Variants in FMR1NB observed in about 807,000 individuals in gnomAD.
FMR1NB encodes FMR1 neighbor.
Under a neutral mutation model 16.8 loss-of-function variants are expected in FMR1NB, and 10 were observed. The ratio of observed to expected loss-of-function variants is 0.60; its 90% confidence interval spans 0.37 to 1.01. The LOEUF is 1.01. Among genes scored for constraint, FMR1NB ranks in the 50% least tolerant of loss-of-function variants. The pLI, the probability that FMR1NB is intolerant of heterozygous loss-of-function variation, is 0.01. For synonymous variants in FMR1NB, 83 were observed against 79.1 expected (o/e 1.05, Z -0.26); for missense variants, 205 against 204.8 (o/e 1.00, Z 0.00).
At chrX:148,023,379 C>T (rs1557190749) in intron 4 of FMR1NB, among the ~76,000 whole-genome samples, 1 of 111,287 alleles carries the variant, frequency 9.0e-6, no homozygotes, top group Non-Finnish European at 1.9e-5. Context: ...GTTTCTTTGC[C>T]CCACATTTGT....
At position 148,025,465 on chromosome X, in the gene FMR1NB, G is replaced by A. The variant is rs782179209; in HGVS notation, c.*13+452G>A. ...AGCTACCTGTTCTTCAAACCTGCAC[G>A]ATGTAGTGTTAGAAGAGGTTGAGAG... On this transcript the variant is annotated intron_variant, in intron 5 of 5. Coordinates refer to ENST00000370467, the MANE Select transcript of FMR1NB (RefSeq NM_152578.3). 2.7e-5 allele frequency among the ~76,000 whole-genome samples: 3 copies of A among 111,600 alleles called. No homozygotes were observed. The East Asian group carries it at 8.5e-4, about 32-fold the overall frequency.
intron 1 of FMR1NB, among the ~76,000 whole-genome samples, chrX:147,986,210 T>C (rs2124610455): frequency 8.9e-6 from 1 of 112,692 alleles, no homozygotes; most frequent in East Asian, 2.8e-4. Flanking sequence ...TTGTAGATTC[T>C]GGTTATTAGA....
At chrX:148,014,898 G>C (rs782709499) in intron 4 of FMR1NB, among the ~76,000 whole-genome samples, 15 of 111,873 alleles carry the variant, frequency 1.3e-4, no homozygotes, top group Non-Finnish European at 2.8e-4. Flanking sequence ...ACCTGCCTTG[G>C]CCTCCTGAAG....
Position 148,024,858 on chromosome X carries a change from G to T in FMR1NB, c.633-7G>T. 1 of 1,207,234 alleles carries T rather than the reference G, an allele frequency of 8.3e-7. No individual in the cohort carries two copies. Among genetic ancestry groups the T allele is most frequent in the Non-Finnish European group, 1.1e-6 (1 of 892,963 alleles). On this transcript the variant is annotated splice_polypyrimidine_tract_variant and splice_region_variant and intron_variant, in intron 4 of 5. Coordinates refer to ENST00000370467, the MANE Select transcript of FMR1NB (RefSeq NM_152578.3). ...ATAAGGTTTCACTTGAACTTTTTAT[G>T]TTACAGCGAACCGGCCGATGATTTA...
chrX:147,999,320 A>C (rs1443911913), intron 1 of FMR1NB, among the ~76,000 whole-genome samples: 1 of 112,051 alleles, frequency 8.9e-6, no homozygotes, highest in Non-Finnish European at 1.9e-5. Context: ...CAACAAGGAC[A>C]GCAAATTGAC....
chrX:147,993,152 C>T (rs1301653913), intron 1 of FMR1NB, among the ~76,000 whole-genome samples: 3 of 112,342 alleles, frequency 2.7e-5, no homozygotes, highest in Non-Finnish European at 3.8e-5. Flanking sequence ...AACGAGACTC[C>T]GTCTGCAATT....
At chrX:148,013,548 TG>T (rs1427645803) in intron 4 of FMR1NB, among the ~76,000 whole-genome samples, 6 of 112,477 alleles carry the variant, frequency 5.3e-5, no homozygotes, top group Non-Finnish European at 1.1e-4. Flanking sequence ...GTTCTCATTC[TG>T]CTTTCACCAC....
At chrX:148,018,613 C>G (rs1268767460) in intron 4 of FMR1NB, among the ~76,000 whole-genome samples, 1 of 111,284 alleles carries the variant, frequency 9.0e-6, no homozygotes, top group African/African-American at 3.3e-5. Context: ...GGAAAACTGG[C>G]TAGCCATATG....
At chrX:148,001,317 C>A (rs1163741458) in intron 1 of FMR1NB, among the ~76,000 whole-genome samples, 5 of 111,676 alleles carry the variant, frequency 4.5e-5, no homozygotes, top group Non-Finnish European at 9.4e-5. Context: ...GTGGGACACA[C>A]AATAAATGAT....
Position 148,016,512 on chromosome X carries a change from C to T in FMR1NB, c.632+7801C>T, listed in dbSNP as rs183944613. 9.7e-4 allele frequency among the ~76,000 whole-genome samples: 108 copies of T among 111,232 alleles called. 3 individuals are homozygous for T. In the East Asian group the frequency reaches 0.024, roughly 25 times the overall value. ...ATTTTGTTATTTGTTTTCTGGTGGC[C>T]TTGTGGTCTTCTCCTTCTACTTTCC... is the stretch of plus-strand genomic sequence containing the variant. On this transcript the variant is annotated intron_variant, in intron 4 of 5. Transcript: ENST00000370467.
intron 3 of FMR1NB, 38 bp downstream of exon 3, chrX:148,006,880 T>C (rs2044599362): frequency 8.7e-7 from 1 of 1,156,017 alleles, no homozygotes; most frequent in South Asian, 1.9e-5. Flanking sequence ...TATTTTTTAA[T>C]ATTAAATAAA....
intron 4 of FMR1NB, among the ~76,000 whole-genome samples, chrX:148,009,466 G>A (rs1382854123): frequency 9.2e-6 from 1 of 109,116 alleles, no homozygotes; most frequent in Admixed American, 9.8e-5. Context: ...TTTCTTCTTA[G>A]CATCTTATAC....
chrX:148,003,272 G>T lies in FMR1NB; in HGVS notation c.349G>T (p.Glu117Ter). The stretch of plus-strand genomic sequence containing the variant: ...TGAAAATGCTCATGGCCAATCTCTG[G>T]AAGAAGATTCCGCATTGGAAGCTTT... ...NSENAHGQSLEEDSALEALLN... is the reference protein window; with the variant it reads ...NSENAHGQSL Residue 117 changes from glutamate to a stop codon, truncating the protein, a stop_gained, in exon 2 of 6, where the codon GAA (glutamate) becomes TAA (stop). Coordinates refer to ENST00000370467, the MANE Select transcript of FMR1NB (RefSeq NM_152578.3). LOFTEE classifies it high-confidence loss of function. 1 of 1,211,020 alleles carries T rather than the reference G, an allele frequency of 8.3e-7. No homozygotes were observed. Among genetic ancestry groups the T allele is most frequent in the Non-Finnish European group, 1.1e-6 (1 of 894,815 alleles).
intron 1 of FMR1NB, among the ~76,000 whole-genome samples, chrX:147,996,473 C>T (rs1231620133): frequency 9.1e-6 from 1 of 110,091 alleles, no homozygotes; most frequent in Admixed American, 9.8e-5. Context: ...GGTAGACCCT[C>T]AACTTGAAGC....
intron 4 of FMR1NB, among the ~76,000 whole-genome samples, chrX:148,023,874 A>T (rs888473783): frequency 3.6e-5 from 4 of 111,057 alleles, no homozygotes; most frequent in Non-Finnish European, 5.7e-5. Flanking sequence ...TAGGAGAGAG[A>T]TTGTACTTTA....
intron 1 of FMR1NB, among the ~76,000 whole-genome samples, chrX:147,997,074 G>T (rs782379338): frequency 9.0e-6 from 1 of 111,495 alleles, no homozygotes; most frequent in Non-Finnish European, 1.9e-5. Flanking sequence ...GTGCTAGCTG[G>T]TGGGAGACTT....
intron 4 of FMR1NB, among the ~76,000 whole-genome samples, chrX:148,020,738 A>G (rs187943815): frequency 6.8e-4 from 76 of 111,696 alleles, no homozygotes; most frequent in Non-Finnish European, 1.0e-3. Flanking sequence ...GCCCTTTCCT[A>G]CTGTGGCTGA....
rs782041203 is a variant in FMR1NB at position 148,014,745 on chromosome X, G to A, written c.632+6034G>A. 1.1e-3 allele frequency among the ~76,000 whole-genome samples: 117 copies of A among 110,058 alleles called. 1 individual carries two copies. Among genetic ancestry groups the A allele is most frequent in the Middle Eastern group, 4.6e-3 (1 of 218 alleles). ...CTGCAGCCTCGACTTCCCGGGCTCC[G>A]GCAATCCTCCCACCTCAGCCTCCCG... On this transcript the variant is annotated intron_variant, in intron 4 of 5. Coordinates refer to ENST00000370467, the MANE Select transcript of FMR1NB (RefSeq NM_152578.3).
At chrX:147,992,377 G>C (rs1425192836) in intron 1 of FMR1NB, among the ~76,000 whole-genome samples, 2 of 46,907 alleles carry the variant, frequency 4.3e-5, no homozygotes, top group Non-Finnish European at 7.5e-5. Flanking sequence ...GCGGCTGGCT[G>C]GGCAGAGGGG....
Sources: gnomAD v4.1 joint callset for allele counts (sites outside exome capture counted in the v4.1 genomes callset) on GRCh38, gnomAD v4.1.1 for gene constraint, MANE v1.5 for transcripts, NCBI Gene and HGNC (gene_info 2026-07-23, HGNC 2026-07-21) for gene names.